CCDC152: variants seen among roughly 807,000 people sequenced by gnomAD.
The protein encoded by CCDC152 is coiled-coil domain containing 152, also known as coiled-coil domain-containing protein 152.
Under a neutral mutation model 38.1 loss-of-function variants are expected in CCDC152, and 37 were observed. That is an observed-to-expected ratio of 0.97 (90% confidence interval 0.75 to 1.28). The LOEUF is 1.28. CCDC152 is among the 50% of genes most tolerant of loss of function. CCDC152 has a pLI of 0.00. For synonymous variants in CCDC152, 83 were observed against 87.1 expected, an observed-to-expected ratio of 0.95 and a Z score of 0.26; for missense variants, 259 against 292.1, an observed-to-expected ratio of 0.89 and a Z score of 0.83.
intron 3 of CCDC152, among the ~76,000 whole-genome samples, chr5:42,764,972 A>G (rs959173561): frequency 4.0e-4 from 61 of 152,230 alleles, no homozygotes; most frequent in African/African-American, 1.4e-3. Context: ...TTGGAAAGGA[A>G]GAAGTCAAAT....
chr5:42,799,552 T>G, intron 8 of CCDC152, 94 bp downstream of exon 8: 1 of 1,163,906 alleles, frequency 8.6e-7, no homozygotes. Flanking sequence ...CAATATAAGG[T>G]ATTTTTTAAA....
Position 42,801,209 on chromosome 5 carries a change from GC to G in CCDC152, c.*1430del, listed in dbSNP as rs1227625079. ...GCTGATTCTCTGAAAGCTCACTGCT[GC>G]CAAGGTGCTGATGTCCATGATTGTG... On this transcript the variant is annotated 3_prime_UTR_variant, in exon 9 of 9. Transcript: ENST00000361970. 6.2e-7 allele frequency: 1 copy of G among 1,614,014 alleles called. No individual in the cohort carries two copies. The highest frequency in any genetic ancestry group is 1.3e-5 in the African/African-American group (1 of 74,908).
intron 6 of CCDC152, among the ~76,000 whole-genome samples, chr5:42,785,312 T>A (rs1759903787): frequency 6.6e-6 from 1 of 152,108 alleles, no homozygotes; most frequent in Admixed American, 6.5e-5. Flanking sequence ...AGGTTTTTCA[T>A]CTTCTTTGTT....
At chr5:42,767,032 A>G (rs1186744643) in intron 3 of CCDC152, among the ~76,000 whole-genome samples, 3 of 152,140 alleles carry the variant, frequency 2.0e-5, no homozygotes, top group Non-Finnish European at 4.4e-5. Flanking sequence ...CCATAAATAT[A>G]TACACCTACT....
intron 5 of CCDC152, among the ~76,000 whole-genome samples, chr5:42,782,865 A>T (rs190812323): frequency 1.9e-4 from 29 of 152,130 alleles, no homozygotes; most frequent in East Asian, 1.4e-3. Context: ...TTTTCAAATT[A>T]AAATTTAAAT....
chr5:42,764,134 A>G (rs1759594074), intron 3 of CCDC152, among the ~76,000 whole-genome samples: 1 of 152,222 alleles, frequency 6.6e-6, no homozygotes, highest in African/African-American at 2.4e-5. Flanking sequence ...AATTTCGACC[A>G]GGCATGGTGG....
At chr5:42,786,966 C>G (rs1278150630) in intron 6 of CCDC152, among the ~76,000 whole-genome samples, 1 of 151,672 alleles carries the variant, frequency 6.6e-6, no homozygotes, top group Non-Finnish European at 1.5e-5. Context: ...TTTGCAAGTT[C>G]CTTTTGGTAT....
chr5:42,788,785 T>C (rs192646390), intron 6 of CCDC152, among the ~76,000 whole-genome samples: 2 of 152,366 alleles, frequency 1.3e-5, no homozygotes, highest in South Asian at 2.1e-4. Flanking sequence ...TTATAACTTT[T>C]GCCTTTATTG....
chr5:42,798,026 C>A (rs1324928626), intron 7 of CCDC152, among the ~76,000 whole-genome samples: 4 of 152,108 alleles, frequency 2.6e-5, no homozygotes. Flanking sequence ...ATGGCAGATG[C>A]CTGTTATCCA....
At chr5:42,768,386 A>AAT (rs1271283775) in intron 3 of CCDC152, among the ~76,000 whole-genome samples, 6 of 72,980 alleles carry the variant, frequency 8.2e-5, no homozygotes, top group Non-Finnish European at 1.7e-4. Flanking sequence ...AGCAAAACAA[A>AAT]ACAGTCTCTG....
intron 6 of CCDC152, among the ~76,000 whole-genome samples, chr5:42,792,090 C>G (rs923262824): frequency 2.2e-4 from 33 of 152,216 alleles, no homozygotes; most frequent in African/African-American, 7.5e-4. Flanking sequence ...TCTTCAGACT[C>G]CAAGGGCTTA....
intron 6 of CCDC152, among the ~76,000 whole-genome samples, chr5:42,796,269 A>C (rs552977890): frequency 1.3e-5 from 2 of 151,636 alleles, no homozygotes; most frequent in East Asian, 1.9e-4. Flanking sequence ...AAAAAAAAAG[A>C]AAGCTAGGAA....
At chr5:42,781,649 C>T (rs1415363309) in intron 5 of CCDC152, among the ~76,000 whole-genome samples, 1 of 152,078 alleles carries the variant, frequency 6.6e-6, no homozygotes, top group East Asian at 1.9e-4. Flanking sequence ...AAAGCCTATT[C>T]ACTGGCTCTA....
chr5:42,762,316 T>C, intron 2 of CCDC152, 127 bp from the exon 3 acceptor site: 5 of 596,232 alleles, frequency 8.4e-6, no homozygotes, highest in Non-Finnish European at 3.0e-6. Context: ...CATGACTGTA[T>C]ATGTATTTTT....
Position 42,799,661 on chromosome 5 carries a change from A to G in CCDC152, c.645A>G (p.Lys215=), listed in dbSNP as rs1427423896. The G allele has an allele frequency of 6.5e-7, 1 of 1,541,686 alleles. No homozygotes were observed. ...TVLPQSIYRR[K]LQHFQEEKNK... ...AACAAATTTTTTGTTTCGTTTAGAA[A>G]CTTCAGCATTTTCAAGAAGAAAAAA... The change falls in exon 9 of 9, where the codon AAA becomes AAG. Residue 215 remains lysine (K), a splice_region_variant and synonymous_variant. Coordinates refer to ENST00000361970, the MANE Select transcript of CCDC152 (RefSeq NM_001134848.2).
chr5:42,774,016 T>C (rs1488586882), intron 4 of CCDC152, among the ~76,000 whole-genome samples: 1 of 152,212 alleles, frequency 6.6e-6, no homozygotes, highest in African/African-American at 2.4e-5. Flanking sequence ...TCAGAAGTTG[T>C]CACGCCCTGC....
intron 6 of CCDC152, among the ~76,000 whole-genome samples, chr5:42,784,056 G>A (rs1759885645): frequency 1.3e-5 from 2 of 152,084 alleles, no homozygotes; most frequent in Non-Finnish European, 2.9e-5. Context: ...AAACATGCAA[G>A]TACAAGTGTC....
intron 6 of CCDC152, among the ~76,000 whole-genome samples, chr5:42,787,185 A>G (rs1392035218): frequency 6.6e-6 from 1 of 152,074 alleles, no homozygotes; most frequent in South Asian, 2.1e-4. Flanking sequence ...GTCCAATTAA[A>G]GTCCAGAGTT....
chr5:42,759,558 A>G (rs982199351), intron 2 of CCDC152, among the ~76,000 whole-genome samples: 1 of 152,318 alleles, frequency 6.6e-6, no homozygotes, highest in Middle Eastern at 3.4e-3. Context: ...TTAAATGGGA[A>G]ATTCCCAAAA....
Sources: gnomAD v4.1 joint callset for allele counts (sites outside exome capture counted in the v4.1 genomes callset) on GRCh38, gnomAD v4.1.1 for gene constraint, MANE v1.5 for transcripts, NCBI Gene and HGNC (gene_info 2026-07-23, HGNC 2026-07-21) for gene names.